CEP72: variants seen among roughly 807,000 people sequenced by gnomAD.
CEP72 encodes the protein centrosomal protein of 72 kDa.
Under a neutral mutation model 65.7 loss-of-function variants are expected in CEP72, and 78 were observed. The observed-to-expected ratio is 1.19, with a 90% CI of 0.99 to 1.43. CEP72 has a LOEUF of 1.43. CEP72 is among the 40% of genes most tolerant of loss of function. The pLI is 0.00. For missense variants in CEP72, 914 were observed against 832.9 expected, an observed-to-expected ratio of 1.10 and a Z score of -1.20; for synonymous variants, 358 against 351.7, an observed-to-expected ratio of 1.02 and a Z score of -0.20.
chr5:647,830 G>C lies in CEP72; in HGVS notation c.1692G>C (p.Leu564=). 1 of 1,612,406 alleles carries C rather than the reference G, an allele frequency of 6.2e-7. No homozygotes were observed. The highest frequency in any genetic ancestry group is 1.7e-5 in the Admixed American group (1 of 59,978). The change falls in exon 11 of 12, where the codon CTG becomes CTC. Residue 564 remains leucine (L), a synonymous_variant. Coordinates refer to ENST00000264935, the MANE Select transcript of CEP72 (RefSeq NM_018140.4). ...GACTTCAAACAAGTGTGAAGAGGCT[G>C]TGTGGCGAGATTGTGGAACTGAAGC... The part of the protein sequence containing the change: ...IAGLQTSVKR[L]CGEIVELKQH...
chr5:640,748 C>G (rs916124224), intron 9 of CEP72, 144 bp downstream of exon 9: 2 of 1,436,798 alleles, frequency 1.4e-6, no homozygotes, highest in Non-Finnish European at 1.8e-6. Flanking sequence ...CTGCCCGGGA[C>G]CCGGCCACCC....
chr5:653,117 C>A lies in CEP72; in HGVS notation c.1908C>A (p.His636Gln), dbSNP rs1325935434. 2 of 1,611,918 alleles carry A rather than the reference C, an allele frequency of 1.2e-6. No homozygotes were observed. Among genetic ancestry groups the A allele is most frequent in the Non-Finnish European group, 1.7e-6 (2 of 1,179,678 alleles). ...ELKKTMALFP[H>Q]SSASHGGCQA... The stretch of plus-strand genomic sequence containing the variant: ...AGAAGACCATGGCCCTGTTTCCACA[C>A]AGCAGCGCCAGCCATGGAGGCTGCC... The change falls in exon 12 of 12, where the codon CAC (histidine) becomes CAA (glutamine). Residue 636 changes from histidine to glutamine, a missense_variant. Coordinates refer to ENST00000264935, the MANE Select transcript of CEP72 (RefSeq NM_018140.4).
At chr5:637,882 G>A in intron 7 of CEP72, 64 bp downstream of exon 7, 1 of 1,412,566 alleles carries the variant, frequency 7.1e-7, no homozygotes. Context: ...GGCTGTTACG[G>A]CTTTGGCGGG....
chr5:646,065 T>C (rs1354632094), intron 10 of CEP72, among the ~76,000 whole-genome samples: 1 of 152,090 alleles, frequency 6.6e-6, no homozygotes, highest in African/African-American at 2.4e-5. Flanking sequence ...CGTTACACTG[T>C]GTGAGCGTCA....
intron 11 of CEP72, among the ~76,000 whole-genome samples, chr5:650,990 T>G (rs1449449076): frequency 7.1e-5 from 4 of 56,102 alleles, no homozygotes; most frequent in Non-Finnish European, 1.3e-4. Flanking sequence ...GACTGTGAGG[T>G]GTGACTGTGA....
At chr5:636,002 C>G (rs1028871551) in intron 6 of CEP72, among the ~76,000 whole-genome samples, 27 of 152,234 alleles carry the variant, frequency 1.8e-4, no homozygotes, top group African/African-American at 6.3e-4. Flanking sequence ...ATTCCTGCCT[C>G]CCTGAGGGCT....
intron 9 of CEP72, 98 bp downstream of exon 9, chr5:640,702 C>G (rs370794550): frequency 6.8e-7 from 1 of 1,462,996 alleles, no homozygotes; most frequent in Admixed American, 2.4e-5. Flanking sequence ...CCACACTGTC[C>G]CAACTGCCAT....
chr5:612,483 C>CG (rs750685506), intron 1 of CEP72, 40 bp downstream of exon 1: 10,432 of 474,504 alleles, frequency 0.022, 69 homozygotes, highest in Non-Finnish European at 0.032. Flanking sequence ...CGTGAGGTGG[C>CG]GGGGGGGTGG....
chr5:631,962 C>T (rs1737219113), intron 4 of CEP72, among the ~76,000 whole-genome samples: 1 of 38,056 alleles, frequency 2.6e-5, no homozygotes, highest in Non-Finnish European at 4.7e-5. Flanking sequence ...TTGGCCCAGT[C>T]CTGGTGGGGT....
intron 9 of CEP72, chr5:642,570 C>T: frequency 1.0e-6 from 1 of 985,496 alleles, no homozygotes; most frequent in Non-Finnish European, 1.2e-6. Flanking sequence ...ACCAGTGCTG[C>T]CAGGGGTGAG....
chr5:639,894 T>A (rs554992577), intron 8 of CEP72, among the ~76,000 whole-genome samples: 2 of 152,318 alleles, frequency 1.3e-5, no homozygotes, highest in East Asian at 3.9e-4. Flanking sequence ...CCTTGCAGTG[T>A]TATAGCCCCT....
chr5:626,995 G>A (rs1736797950), intron 4 of CEP72, among the ~76,000 whole-genome samples: 1 of 152,176 alleles, frequency 6.6e-6, no homozygotes, highest in South Asian at 2.1e-4. Flanking sequence ...TATTGCCTTT[G>A]TCTGGTTTTG....
downstream of CEP72, chr5:661,756 C>T (rs1018303564): frequency 2.0e-5 from 3 of 152,410 alleles, no homozygotes; most frequent in Admixed American, 6.5e-5. Flanking sequence ...GTGGTGACCA[C>T]TATGTCCTCG....
At chr5:642,950 C>T (rs535801933) in intron 9 of CEP72, 4 of 985,490 alleles carry the variant, frequency 4.1e-6, no homozygotes, top group East Asian at 1.1e-4. Context: ...CAAGGTGGCC[C>T]CACTTCCAGC....
rs1736596150 is a variant in CEP72, at chr5:624,377, G to A, written c.404-94G>A. 7 of 828,778 alleles carry A rather than the reference G, an allele frequency of 8.4e-6. No homozygotes were observed. Among genetic ancestry groups the A allele is most frequent in the Non-Finnish European group, 1.4e-5 (7 of 485,146 alleles). The allele number at this position is 828,778 out of a possible 1,614,324, so 51.3% of individuals were successfully genotyped here. A position where few individuals can be genotyped will look rare whatever the true frequency, so the allele number is the denominator to read the frequency against. On this transcript the variant is annotated intron_variant, in intron 3 of 11. Coordinates refer to ENST00000264935, the MANE Select transcript of CEP72 (RefSeq NM_018140.4). The surrounding 1 kb of genome is among the most constrained non-coding windows in gnomAD (Gnocchi z 4.7). ...TAGTGGGAGCAGGGCTGGCCCCGAG[G>A]GGATGGACACCCTGCCCCGTGTAGA...
chr5:639,828 A>G (rs1737883121), intron 8 of CEP72, among the ~76,000 whole-genome samples: 1 of 152,076 alleles, frequency 6.6e-6, no homozygotes, highest in Non-Finnish European at 1.5e-5. Flanking sequence ...TCAGGAGCCT[A>G]GCCAGTGTGC....
intron 6 of CEP72, 96 bp from the exon 7 acceptor site, chr5:637,421 T>C: frequency 2.9e-6 from 3 of 1,051,200 alleles, no homozygotes; most frequent in African/African-American, 1.6e-5. Flanking sequence ...TGTGTGTATA[T>C]ACATGGGCAC....
intron 11 of CEP72, among the ~76,000 whole-genome samples, chr5:650,704 G>A (rs1196487585): frequency 4.2e-5 from 2 of 47,392 alleles, no homozygotes; most frequent in South Asian, 9.1e-4. Context: ...ACTGTGAGGC[G>A]TGGACTGTGA....
intron 2 of CEP72, chr5:665,152 CGGA>C: frequency 6.2e-7 from 1 of 1,613,328 alleles, no homozygotes; most frequent in Non-Finnish European, 8.5e-7. Flanking sequence ...TGCTTGTAGC[CGGA>C]CACATAGCCT....
Sources: gnomAD v4.1 joint callset for allele counts (sites outside exome capture counted in the v4.1 genomes callset) on GRCh38, gnomAD v4.1.1 for gene constraint, Gnocchi (gnomAD v3.1) non-coding constraint, MANE v1.5 for transcripts, NCBI Gene and HGNC (gene_info 2026-07-23, HGNC 2026-07-21) for gene names.